SIDT2: variants seen among roughly 807,000 people sequenced by gnomAD.
SIDT2 encodes SID1 transmembrane family, member 2.
SIDT2 carries 68 observed loss-of-function variants against 114.4 expected under a neutral mutation model. That is an observed-to-expected ratio of 0.59 (90% CI 0.49 to 0.73). The LOEUF is 0.73. Among genes scored for constraint, SIDT2 ranks in the 30% least tolerant of loss-of-function variants. SIDT2 has a pLI of 0.00. For synonymous variants in SIDT2, 470 were observed against 438.4 expected (o/e 1.07, Z -0.90); for missense variants, 918 against 1,097.1 (o/e 0.84, Z 2.31).
intron 4 of SIDT2, 41 bp from the exon 5 acceptor site, chr11:117,182,478 C>T (rs779639751): frequency 1.5e-5 from 24 of 1,561,326 alleles, no homozygotes; most frequent in Non-Finnish European, 2.0e-5. Context: ...AAGAGAGCAT[C>T]CTCATGAGAT....
At chr11:117,185,065 T>TTTC (rs1555036680) in intron 8 of SIDT2, among the ~76,000 whole-genome samples, 1 of 144,660 alleles carries the variant, frequency 6.9e-6, no homozygotes, top group African/African-American at 2.5e-5. Flanking sequence ...TTTTTTTTTT[T>TTTC]CCGAGATGGA....
rs1185250998 is a variant in SIDT2 at position 117,187,364 on chromosome 11, A to T, written c.1016-14A>T. On this transcript the variant is annotated splice_polypyrimidine_tract_variant and intron_variant, in intron 10 of 25. Transcript: ENST00000324225. ...CTTCGTCCAGTGCTAACAGACCTTG[A>T]CTTCTCATTGCAGGTCACCCTCGAG... 9.3e-6 allele frequency: 15 copies of T among 1,613,290 alleles called. No homozygotes were observed. Among genetic ancestry groups the T allele is most frequent in the Non-Finnish European group, 1.3e-5 (15 of 1,179,452 alleles).
At chr11:117,191,488 G>GC (rs2030699596) in intron 18 of SIDT2, 1 of 198,520 alleles carries the variant, frequency 5.0e-6, no homozygotes, top group Non-Finnish European at 1.0e-5. Context: ...GGGGGCTGAG[G>GC]CAGGAGAATT....
In SIDT2 at chr11:117,188,220, C is replaced by T; in HGVS notation, c.1160-488C>T. The T allele has an allele frequency of 4.8e-5, 17 of 350,916 alleles. No individual in the cohort carries two copies. Among genetic ancestry groups the T allele is most frequent in the South Asian group, 3.8e-4 (17 of 45,158 alleles). The allele number at this position is 350,916 out of a possible 1,614,324, so 21.7% of individuals were successfully genotyped here. On this transcript the variant is annotated intron_variant, in intron 12 of 25. Transcript: ENST00000324225. The surrounding 1 kb of genome is among the most constrained non-coding windows in gnomAD (Gnocchi z 4.0). Reference sequence around the variant, plus strand: ...CACTCCCTGGCCTGCTTGGGGAGGGCTCACAGGCATGGGGGTCACATTCTG... The same window carrying T: ...CACTCCCTGGCCTGCTTGGGGAGGGTTCACAGGCATGGGGGTCACATTCTG...
intron 24 of SIDT2, among the ~76,000 whole-genome samples, chr11:117,194,523 T>TGAGAAGAGA (rs2030820355): frequency 6.6e-6 from 1 of 152,216 alleles, no homozygotes; most frequent in Non-Finnish European, 1.5e-5. Context: ...TTGGCTCTCT[T>TGAGAAGAGA]CTCTGCCTTG....
chr11:117,187,321 C>G, intron 10 of SIDT2, 57 bp from the exon 11 acceptor site: 2 of 1,524,052 alleles, frequency 1.3e-6, no homozygotes, highest in Non-Finnish European at 1.8e-6. Context: ...GTTCTTCTCC[C>G]TGGCTCTAGG....
In SIDT2 at chr11:117,183,867, C is replaced by A; in HGVS notation, c.791C>A (p.Pro264His). 1 of 1,612,966 alleles carries A rather than the reference C, an allele frequency of 6.2e-7. No individual in the cohort carries two copies. The highest frequency in any genetic ancestry group is 8.5e-7 in the Non-Finnish European group (1 of 1,178,974). Residue 264 changes from proline to histidine, a missense_variant, in exon 7 of 26, where the codon CCC (proline) becomes CAC (histidine). Pro to His is a moderately conservative substitution (Grantham distance 77, BLOSUM62 -2). Transcript: ENST00000324225. ...QACGGSLPFY[P>H]FAEDEPVDQG... ...TGCGGGGGCTCCCTGCCTTTCTACC[C>A]CTTCGCAGAAGGTACATTTTGTGCC... is the stretch of plus-strand genomic sequence containing the variant.
chr11:117,192,227 C>A lies in SIDT2; in HGVS notation c.1873-27C>A. 1 of 1,508,734 alleles carries A rather than the reference C, an allele frequency of 6.6e-7. No individual in the cohort carries two copies. The highest frequency in any genetic ancestry group is 9.2e-7 in the Non-Finnish European group (1 of 1,084,288). 93.5% of individuals were successfully genotyped at this position (1,508,734 alleles called of 1,614,324 possible). On this transcript the variant is annotated intron_variant, in intron 19 of 25. Coordinates refer to ENST00000324225, the MANE Select transcript of SIDT2 (RefSeq NM_001040455.2). The surrounding 1 kb of genome is among the most constrained non-coding windows in gnomAD (Gnocchi z 5.9). ...CGAGCCACTTCCCTCTCCACCCTCA[C>A]CGCTGCCCTTGGTGGCCTCCCGACA... is the stretch of plus-strand genomic sequence containing the variant.
Position 117,187,396 on chromosome 11 carries a change from C to T in SIDT2, c.1034C>T (p.Ala345Val), listed in dbSNP as rs938418555. ...ATTGCAGGTCACCCTCGAGTCCTGG[C>T]TGATTCTTTTCCTGGCAGTTCCCCT... is the stretch of plus-strand genomic sequence containing the variant. ...CPESGHPRVL[A>V]DSFPGSSPYE... Residue 345 changes from alanine (A) to valine (V), a missense_variant, in exon 11 of 26, where the codon GCT (alanine) becomes GTT (valine). Coordinates refer to ENST00000324225, the MANE Select transcript of SIDT2 (RefSeq NM_001040455.2). 9 of 1,614,094 alleles carry T rather than the reference C, an allele frequency of 5.6e-6. No homozygotes were observed. The highest frequency in any genetic ancestry group is 6.8e-6 in the Non-Finnish European group (8 of 1,180,002).
intron 6 of SIDT2, 135 bp from the exon 7 acceptor site, chr11:117,183,644 A>AC: frequency 1.4e-6 from 1 of 708,698 alleles, no homozygotes; most frequent in Non-Finnish European, 2.3e-6. Context: ...GTCTCAAAAA[A>AC]AAAAAAAATC....
Position 117,195,789 on chromosome 11 carries a change from G to C in SIDT2, c.2323-13G>C. 6.2e-7 allele frequency: 1 copy of C among 1,613,882 alleles called. No individual in the cohort carries two copies. Among genetic ancestry groups the C allele is most frequent in the South Asian group, 1.1e-5 (1 of 91,088 alleles). ...GCAGGGTCATTCGGCAGTTTTTCTT[G>C]TTGCTCCCCAAGAAAACCCCTGCAG... On this transcript the variant is annotated splice_polypyrimidine_tract_variant and intron_variant, in intron 24 of 25. Coordinates refer to ENST00000324225, the MANE Select transcript of SIDT2 (RefSeq NM_001040455.2).
intron 1 of SIDT2, among the ~76,000 whole-genome samples, chr11:117,180,266 T>G (rs1319246974): frequency 6.6e-6 from 1 of 152,150 alleles, no homozygotes; most frequent in Non-Finnish European, 1.5e-5. Context: ...GTGGTTTGGT[T>G]TCTGTGGCAG....
In SIDT2 at chr11:117,187,419, C is replaced by T. The variant is rs1187121308; in HGVS notation, c.1057C>T (p.Pro353Ser). The T allele has an allele frequency of 9.3e-6, 15 of 1,613,956 alleles. No individual in the cohort carries two copies. Among genetic ancestry groups the T allele is most frequent in the Admixed American group, 1.7e-5 (1 of 59,992 alleles). ...GGCTGATTCTTTTCCTGGCAGTTCC[C>T]CTTATGAGGGTTACAACTATGGCTC... Reference protein sequence around the residue: ...VLADSFPGSSPYEGYNYGSFE... With the variant: ...VLADSFPGSSSYEGYNYGSFE... The change falls in exon 11 of 26, where the codon CCT becomes TCT. Residue 353 changes from proline (P) to serine (S), a missense_variant. Pro to Ser is a moderately conservative substitution (Grantham distance 74). Coordinates refer to ENST00000324225, the MANE Select transcript of SIDT2 (RefSeq NM_001040455.2).
chr11:117,190,986 A>G lies in SIDT2; in HGVS notation c.1735+246A>G. On this transcript the variant is annotated intron_variant, in intron 18 of 25. Coordinates refer to ENST00000324225, the MANE Select transcript of SIDT2 (RefSeq NM_001040455.2). The surrounding 1 kb of genome is among the most constrained non-coding windows in gnomAD (Gnocchi z 4.1). ...AGTGAAGAAAACAGTATAATTAAGA[A>G]GGGGTCCCTGGCCGGGTGCAGTGGC... 1 of 382,204 alleles carries G rather than the reference A, an allele frequency of 2.6e-6. No individual in the cohort carries two copies. Among genetic ancestry groups the G allele is most frequent in the Non-Finnish European group, 4.8e-6 (1 of 209,428 alleles). 23.7% of individuals were successfully genotyped at this position (382,204 alleles called of 1,614,324 possible).
chr11:117,190,874 T>C lies in SIDT2; in HGVS notation c.1735+134T>C, dbSNP rs1339773003. ...ACTCCAAGGCTGGCGTGCCTGGGTG[T>C]GCACACATCCTAGCCTATGGAACAT... On this transcript the variant is annotated intron_variant, in intron 18 of 25. Transcript: ENST00000324225. The surrounding 1 kb of genome is among the most constrained non-coding windows in gnomAD (Gnocchi z 4.1). 2.9e-6 allele frequency: 2 copies of C among 679,514 alleles called. No homozygotes were observed. Among genetic ancestry groups the C allele is most frequent in the African/African-American group, 1.8e-5 (1 of 56,788 alleles). The allele number at this position is 679,514 out of a possible 1,614,324, so 42.1% of individuals were successfully genotyped here.
intron 24 of SIDT2, among the ~76,000 whole-genome samples, chr11:117,195,067 C>A (rs1277305695): frequency 1.9e-5 from 2 of 105,810 alleles, no homozygotes; most frequent in African/African-American, 7.1e-5. Flanking sequence ...AGCCTGTCAA[C>A]AGAGCAAGAC....
At position 117,182,515 on chromosome 11, in the gene SIDT2, T is replaced by A; in HGVS notation, c.517-4T>A. On this transcript the variant is annotated splice_polypyrimidine_tract_variant and splice_region_variant and intron_variant, in intron 4 of 25. Coordinates refer to ENST00000324225, the MANE Select transcript of SIDT2 (RefSeq NM_001040455.2). ...GGGCTCTCCCTTCCTTCCTGCACCC[T>A]CAGTACTTCAAGTATGAGTTCCCTG... 2 of 1,613,672 alleles carry A rather than the reference T, an allele frequency of 1.2e-6. No individual in the cohort carries two copies. The highest frequency in any genetic ancestry group is 1.7e-6 in the Non-Finnish European group (2 of 1,179,574).
chr11:117,187,135 C>G, intron 10 of SIDT2: 6 of 1,241,004 alleles, frequency 4.8e-6, no homozygotes, highest in Non-Finnish European at 6.8e-6. Context: ...TGTGCCTGTT[C>G]TTGAACTTTC....
intron 1 of SIDT2, chr11:117,179,934 G>A (rs1348728174): frequency 6.5e-6 from 1 of 152,790 alleles, no homozygotes; most frequent in African/African-American, 2.4e-5. Context: ...AGAGCCAGCT[G>A]GCCTTGTAAA....
Sources: allele counts gnomAD v4.1 joint callset (sites outside exome capture counted in the v4.1 genomes callset), GRCh38; gene constraint gnomAD v4.1.1; non-coding constraint Gnocchi (gnomAD v3.1); transcripts MANE v1.5; gene names NCBI Gene and HGNC (gene_info 2026-07-23, HGNC 2026-07-21).